Variants in C12orf42 observed in about 807,000 individuals in gnomAD.
The protein encoded by C12orf42 is chromosome 12 open reading frame 42.
C12orf42 carries 25 observed loss-of-function variants against 21.6 expected under a neutral mutation model. The ratio of observed to expected loss-of-function variants is 1.16; its 90% CI spans 0.84 to 1.62. C12orf42 has a LOEUF of 1.62. Among genes scored for constraint, C12orf42 ranks in the 40% most tolerant of loss-of-function variants. The probability of loss-of-function intolerance (pLI) is 0.00; values close to 1 mark genes in which losing one functional copy is unlikely to be tolerated. For synonymous variants in C12orf42, 174 were observed against 175.0 expected (o/e 0.99, Z 0.05); for missense variants, 483 against 459.3 (o/e 1.05, Z -0.47).
chr12:103,117,103 C>T, the C12orf42 span, among the ~76,000 whole-genome samples: 5 of 152,216 alleles, frequency 3.3e-5, no homozygotes, highest in Admixed American at 6.5e-5. Context: ...TAACCACACT[C>T]ATTCTACAGT....
the C12orf42 span, among the ~76,000 whole-genome samples, chr12:103,535,883 C>A: frequency 6.6e-6 from 1 of 152,144 alleles, no homozygotes. Flanking sequence ...TCTCAATTGA[C>A]CCTCTCACCT....
intron 4 of C12orf42, among the ~76,000 whole-genome samples, chr12:103,294,203 G>A (rs1417279706): frequency 6.6e-6 from 1 of 151,928 alleles, no homozygotes; most frequent in Non-Finnish European, 1.5e-5. Context: ...CTCTTGCAGA[G>A]TACCTAGGAT....
chr12:103,401,055 C>T (rs185626209), intron 3 of C12orf42, among the ~76,000 whole-genome samples: 1 of 152,228 alleles, frequency 6.6e-6, no homozygotes, highest in East Asian at 1.9e-4. Flanking sequence ...CTGGACTTGC[C>T]AGCCATGGTG....
At chr12:103,484,657 G>C (rs1457608293) in intron 1 of C12orf42, among the ~76,000 whole-genome samples, 1 of 152,014 alleles carries the variant, frequency 6.6e-6, no homozygotes, top group Non-Finnish European at 1.5e-5. Context: ...AAGCTCTTTA[G>C]TTTAATTAGA....
the C12orf42 span, chr12:103,504,478 C>A: frequency 1.3e-5 from 2 of 154,168 alleles, no homozygotes; most frequent in South Asian, 3.8e-4. Flanking sequence ...CCTGGAGGGT[C>A]CCTTTGGCTG....
At chr12:103,541,923 G>A in the C12orf42 span, among the ~76,000 whole-genome samples, 2 of 151,826 alleles carry the variant, frequency 1.3e-5, no homozygotes, top group South Asian at 4.2e-4. Context: ...GTCAGGCATG[G>A]CCCATTCCAC....
chr12:103,284,664 C>A (rs12301661), intron 4 of C12orf42, among the ~76,000 whole-genome samples: 1 of 152,178 alleles, frequency 6.6e-6, no homozygotes, highest in South Asian at 2.1e-4. Flanking sequence ...ACATGGTAGG[C>A]CTTTGTTACA....
chr12:103,322,145 A>G (rs532425871), intron 4 of C12orf42, among the ~76,000 whole-genome samples: 91 of 142,696 alleles, frequency 6.4e-4, no homozygotes, highest in Admixed American at 5.5e-4. Flanking sequence ...ACACACACAC[A>G]CACACGCACA....
intron 3 of C12orf42, among the ~76,000 whole-genome samples, chr12:103,393,497 C>T (rs2047248945): frequency 6.6e-6 from 1 of 152,134 alleles, no homozygotes; most frequent in Non-Finnish European, 1.5e-5. Context: ...TTGGAGGAGA[C>T]ATCCAAACTA....
At chr12:103,453,596 A>G (rs1341628912) in intron 2 of C12orf42, among the ~76,000 whole-genome samples, 1 of 151,978 alleles carries the variant, frequency 6.6e-6, no homozygotes, top group Non-Finnish European at 1.5e-5. Context: ...TCTCCCTAAT[A>G]ACCTTTTGCT....
At chr12:103,103,860 G>C in the C12orf42 span, among the ~76,000 whole-genome samples, 1 of 150,978 alleles carries the variant, frequency 6.6e-6, no homozygotes, top group Non-Finnish European at 1.5e-5. Flanking sequence ...GAGTGCAGTG[G>C]TGCGATCGCG....
chr12:103,218,955 G>A, the C12orf42 span, among the ~76,000 whole-genome samples: 42,218 of 152,144 alleles, frequency 0.28, 6,866 homozygotes, highest in South Asian at 0.39. Context: ...TACACCACCA[G>A]GGCCCTGGGT....
At chr12:103,318,498 C>T (rs1593409247) in intron 4 of C12orf42, among the ~76,000 whole-genome samples, 1 of 152,140 alleles carries the variant, frequency 6.6e-6, no homozygotes, top group South Asian at 2.1e-4. Flanking sequence ...CATATCCTTG[C>T]CAACACTTGC....
intron 1 of C12orf42, among the ~76,000 whole-genome samples, chr12:103,494,544 C>G (rs564132272): frequency 6.6e-6 from 1 of 151,516 alleles, no homozygotes; most frequent in East Asian, 1.9e-4. Flanking sequence ...TTTAAGCACT[C>G]TATGTGGCAG....
the C12orf42 span, among the ~76,000 whole-genome samples, chr12:103,052,750 T>C: frequency 4.6e-5 from 7 of 152,070 alleles, no homozygotes; most frequent in African/African-American, 1.7e-4. Flanking sequence ...TGAAGATATA[T>C]TCCTGTGATA....
At chr12:103,293,660 A>G (rs1337518059) in intron 4 of C12orf42, among the ~76,000 whole-genome samples, 4 of 152,130 alleles carry the variant, frequency 2.6e-5, no homozygotes, top group African/African-American at 7.2e-5. Flanking sequence ...AATTTTTTCT[A>G]TGTTATGGCT....
chr12:103,216,066 T>C, the C12orf42 span, among the ~76,000 whole-genome samples: 1 of 152,192 alleles, frequency 6.6e-6, no homozygotes, highest in African/African-American at 2.4e-5. Flanking sequence ...GTGGTCAAAG[T>C]CACCGATCAC....
chr12:103,149,329 A>G, the C12orf42 span, among the ~76,000 whole-genome samples: 1 of 152,240 alleles, frequency 6.6e-6, no homozygotes, highest in African/African-American at 2.4e-5. Context: ...AGGTTCTACC[A>G]CTAAAAGTAA....
the C12orf42 span, among the ~76,000 whole-genome samples, chr12:103,528,546 C>T: frequency 6.6e-6 from 1 of 152,110 alleles, no homozygotes; most frequent in Non-Finnish European, 1.5e-5. Flanking sequence ...GTTAGTTCTC[C>T]AGAGAGCTGG....
Sources: gnomAD v4.1 joint callset for allele counts (sites outside exome capture counted in the v4.1 genomes callset) on GRCh38, gnomAD v4.1.1 for gene constraint, MANE v1.5 for transcripts, NCBI Gene and HGNC (gene_info 2026-07-23, HGNC 2026-07-21) for gene names.